The following DPP10 variants were observed in gnomAD, a reference collection of about 807,000 sequenced individuals.
DPP10 encodes dipeptidyl peptidase like 10.
Under a neutral mutation model 120.9 loss-of-function variants are expected in DPP10, and 33 were observed. The ratio of observed to expected loss-of-function variants is 0.27; its 90% confidence interval spans 0.21 to 0.37. The LOEUF (loss-of-function observed/expected upper bound fraction) is 0.37, where lower values mean the gene tolerates loss of function less well. Among genes scored for constraint, DPP10 ranks in the 10% least tolerant of loss-of-function variants. The pLI is 1.00. For synonymous variants in DPP10, 337 were observed against 326.1 expected (o/e 1.03, Z -0.36); for missense variants, 816 against 942.8 (o/e 0.87, Z 1.76).
chr2:115,411,556 T>C (rs1213209441), intron 3 of DPP10, among the ~76,000 whole-genome samples: 2 of 152,136 alleles, frequency 1.3e-5, no homozygotes, highest in African/African-American at 4.8e-5. Flanking sequence ...TTTAAAGAAG[T>C]TCTTTTATGA....
chr2:115,039,900 T>G (rs769923377), intron 1 of DPP10, among the ~76,000 whole-genome samples: 1 of 151,806 alleles, frequency 6.6e-6, no homozygotes, highest in Non-Finnish European at 1.5e-5. Context: ...AAACTTTCAG[T>G]CACGGCAGAA....
intron 1 of DPP10, among the ~76,000 whole-genome samples, chr2:114,542,763 C>G (rs116241448): frequency 1.3e-5 from 2 of 152,178 alleles, no homozygotes. Flanking sequence ...TTCTCAAACA[C>G]GAATAGTTAC....
intron 1 of DPP10, among the ~76,000 whole-genome samples, chr2:115,037,371 T>C (rs1214814734): frequency 1.3e-5 from 2 of 152,262 alleles, no homozygotes; most frequent in African/African-American, 4.8e-5. Context: ...TTTTCCTTTC[T>C]GTCCACATTG....
intron 1 of DPP10, among the ~76,000 whole-genome samples, chr2:115,135,726 C>T (rs2050617490): frequency 6.6e-6 from 1 of 152,112 alleles, no homozygotes; most frequent in South Asian, 2.1e-4. Context: ...ACCAACTTGG[C>T]CCAGGAGATA....
At chr2:115,435,049 C>CAT (rs1477690489) in intron 3 of DPP10, among the ~76,000 whole-genome samples, 13 of 46,916 alleles carry the variant, frequency 2.8e-4, no homozygotes, top group Admixed American at 4.2e-4. Context: ...TACACATGCA[C>CAT]ACATATATAT....
At chr2:115,603,531 C>G (rs762715173) in intron 5 of DPP10, among the ~76,000 whole-genome samples, 1 of 148,524 alleles carries the variant, frequency 6.7e-6, no homozygotes, top group Non-Finnish European at 1.5e-5. Flanking sequence ...AACTTGGCCT[C>G]TCCACTACTG....
intron 17 of DPP10, among the ~76,000 whole-genome samples, chr2:115,785,980 A>T (rs1402141443): frequency 6.6e-6 from 1 of 152,016 alleles, no homozygotes; most frequent in East Asian, 1.9e-4. Context: ...CTAATGTTTA[A>T]ATAATCAGAG....
intron 17 of DPP10, among the ~76,000 whole-genome samples, chr2:115,785,430 A>G (rs1683221988): frequency 6.6e-6 from 1 of 152,074 alleles, no homozygotes; most frequent in Admixed American, 6.6e-5. Flanking sequence ...TTCTTTATAC[A>G]TTTCATAGAA....
Position 114,878,653 on chromosome 2 carries a change from A to G in DPP10, c.61-430586A>G, listed in dbSNP as rs538138077. 7.9e-5 allele frequency among the ~76,000 whole-genome samples: 12 copies of G among 152,134 alleles called. No individual in the cohort carries two copies. In the East Asian group the frequency reaches 2.1e-3, roughly 27 times the overall value. ...CCAGCTGCATGAGATCCATTTTTTT[A>G]GTTGCCATATATGAGTGAGAACATG... On this transcript the variant is annotated intron_variant, in intron 1 of 25. Transcript: ENST00000410059.
intron 1 of DPP10, among the ~76,000 whole-genome samples, chr2:115,186,259 C>T (rs10192079): frequency 0.78 from 118,966 of 152,158 alleles, 46,748 homozygotes; most frequent in East Asian, 0.89. Context: ...TGTGGAAGTT[C>T]TTCTATGCAG....
At chr2:115,240,075 G>T (rs2105558749) in intron 1 of DPP10, among the ~76,000 whole-genome samples, 1 of 152,290 alleles carries the variant, frequency 6.6e-6, no homozygotes, top group Admixed American at 6.5e-5. Flanking sequence ...GTGTGCATGT[G>T]TCTTTATAGT....
intron 1 of DPP10, among the ~76,000 whole-genome samples, chr2:115,070,976 C>G (rs1186104334): frequency 6.6e-6 from 1 of 152,066 alleles, no homozygotes; most frequent in Non-Finnish European, 1.5e-5. Context: ...CAATAATCTT[C>G]TAAGTATTTT....
At chr2:114,572,842 T>A (rs1393701380) in intron 1 of DPP10, among the ~76,000 whole-genome samples, 1 of 152,372 alleles carries the variant, frequency 6.6e-6, no homozygotes, top group South Asian at 2.1e-4. Flanking sequence ...CTGAGATTCA[T>A]ATCACAGCTT....
intron 1 of DPP10, among the ~76,000 whole-genome samples, chr2:114,834,797 C>G (rs910809566): frequency 2.0e-5 from 3 of 147,778 alleles, no homozygotes; most frequent in African/African-American, 7.7e-5. Flanking sequence ...GTCTACACAC[C>G]TATGTATATA....
At chr2:115,740,020 C>G in intron 9 of DPP10, 127 bp downstream of exon 9, 1 of 1,037,980 alleles carries the variant, frequency 9.6e-7, no homozygotes, top group South Asian at 1.5e-5. Context: ...ACTTGTCAGA[C>G]TCATCACTTT....
At chr2:115,368,201 C>A (rs1365417370) in intron 3 of DPP10, among the ~76,000 whole-genome samples, 2 of 152,090 alleles carry the variant, frequency 1.3e-5, no homozygotes, top group Non-Finnish European at 2.9e-5. Context: ...GAAATTATGA[C>A]AGAGAGAGAA....
At chr2:115,188,179 T>C (rs1325029185) in intron 1 of DPP10, among the ~76,000 whole-genome samples, 1 of 152,118 alleles carries the variant, frequency 6.6e-6, no homozygotes, top group Non-Finnish European at 1.5e-5. Flanking sequence ...GGAGGAAACA[T>C]GAAATTCAGC....
At chr2:115,757,281 G>A (rs1396237928) in intron 11 of DPP10, among the ~76,000 whole-genome samples, 1 of 151,956 alleles carries the variant, frequency 6.6e-6, no homozygotes, top group Non-Finnish European at 1.5e-5. Flanking sequence ...ACGTGTAATA[G>A]TCTGTTTTCA....
chr2:115,518,210 T>A (rs2077604785), intron 4 of DPP10, among the ~76,000 whole-genome samples: 1 of 152,208 alleles, frequency 6.6e-6, no homozygotes, highest in South Asian at 2.1e-4. Flanking sequence ...GGATCAAATT[T>A]CGATATGAGG....
Sources: allele counts gnomAD v4.1 joint callset (sites outside exome capture counted in the v4.1 genomes callset), GRCh38; gene constraint gnomAD v4.1.1; transcripts MANE v1.5; gene names NCBI Gene and HGNC (gene_info 2026-07-23, HGNC 2026-07-21).